Variants in LARGE1 observed in about 807,000 individuals in gnomAD.
LARGE1 encodes LARGE xylosyl- and glucuronyltransferase 1.
LARGE1 carries 43 observed loss-of-function variants against 87.6 expected under a neutral mutation model. The observed-to-expected ratio is 0.49, with a 90% CI of 0.38 to 0.63. The LOEUF (loss-of-function observed/expected upper bound fraction) is 0.63. LARGE1 is among the 30% of genes least tolerant of loss of function. The pLI is 0.00. For missense variants in LARGE1, 802 were observed against 1,000.2 expected (o/e 0.80, Z 2.67); for synonymous variants, 434 against 394.6 (o/e 1.10, Z -1.18).
chr22:33,194,535 T>C (rs1437695591), intron 11 of LARGE1, among the ~76,000 whole-genome samples: 1 of 152,206 alleles, frequency 6.6e-6, no homozygotes, highest in East Asian at 1.9e-4. Flanking sequence ...AATGTCTGGG[T>C]TATATGAAAT....
intron 6 of LARGE1, among the ~76,000 whole-genome samples, chr22:33,536,247 GA>G (rs1190853831): frequency 1.3e-5 from 2 of 152,184 alleles, no homozygotes; most frequent in Admixed American, 6.5e-5. Context: ...GAAAGGGCAT[GA>G]GCAGAAAAGT....
At chr22:33,580,972 C>T (rs996702539) in intron 5 of LARGE1, among the ~76,000 whole-genome samples, 1 of 152,130 alleles carries the variant, frequency 6.6e-6, no homozygotes, top group Non-Finnish European at 1.5e-5. Context: ...AGACGTCCAT[C>T]TTTCAAAAAT....
At chr22:33,319,211 G>A (rs1936475777) in intron 10 of LARGE1, among the ~76,000 whole-genome samples, 1 of 152,140 alleles carries the variant, frequency 6.6e-6, no homozygotes, top group Non-Finnish European at 1.5e-5. Context: ...TTAACAAAAA[G>A]CAGGGGAAGT....
chr22:33,317,034 G>A (rs1034543616), intron 10 of LARGE1, among the ~76,000 whole-genome samples: 1 of 151,926 alleles, frequency 6.6e-6, no homozygotes, highest in Non-Finnish European at 1.5e-5. Flanking sequence ...GCCAACGTGG[G>A]GAAACCCTGT....
intron 1 of LARGE1, among the ~76,000 whole-genome samples, chr22:33,765,973 G>T (rs2084889278): frequency 6.6e-6 from 1 of 152,066 alleles, no homozygotes; most frequent in Admixed American, 6.6e-5. Flanking sequence ...AACCCAGCAG[G>T]TAAAAAATAT....
intron 6 of LARGE1, among the ~76,000 whole-genome samples, chr22:33,512,573 C>T (rs1306888431): frequency 6.6e-6 from 1 of 152,164 alleles, no homozygotes; most frequent in East Asian, 1.9e-4. Context: ...GAGGCCGAGG[C>T]AGGAAGATCA....
Position 33,273,078 on chromosome 22 carries a change from G to A in LARGE1, c.*1349C>T, listed in dbSNP as rs1474735799. On this transcript the variant is annotated 3_prime_UTR_variant, in exon 15 of 15. Transcript: ENST00000397394. ...TTCCTGCAAGAGTGGGAGGGGAATGGGGAAGAAACAGTCTGTACTTTCATT... is the reference window on the plus strand; with the variant it reads ...TTCCTGCAAGAGTGGGAGGGGAATGAGGAAGAAACAGTCTGTACTTTCATT... 2 of 222,608 alleles carry A rather than the reference G, an allele frequency of 9.0e-6. No homozygotes were observed. The highest frequency in any genetic ancestry group is 1.7e-5 in the Non-Finnish European group (2 of 114,706). The allele number at this position is 222,608 out of a possible 1,614,324, so 13.8% of individuals were successfully genotyped here. A position where few individuals can be genotyped will look rare whatever the true frequency, so the allele number is the denominator to read the frequency against.
intron 11 of LARGE1, among the ~76,000 whole-genome samples, chr22:33,308,886 A>T (rs1935238670): frequency 6.6e-6 from 1 of 152,202 alleles, no homozygotes; most frequent in South Asian, 2.1e-4. Flanking sequence ...AAATGAGATG[A>T]TGATACAAAG....
intron 6 of LARGE1, among the ~76,000 whole-genome samples, chr22:33,510,809 A>G (rs2071021280): frequency 6.6e-6 from 1 of 151,602 alleles, no homozygotes; most frequent in African/African-American, 2.4e-5. Flanking sequence ...CTGGTCTTGA[A>G]CTCCTGAACT....
chr22:33,171,832 C>T (rs1050539138), intron 11 of LARGE1, among the ~76,000 whole-genome samples: 3 of 152,168 alleles, frequency 2.0e-5, no homozygotes, highest in Admixed American at 6.5e-5. Context: ...GGGTTGGAGT[C>T]CCCACACAGA....
chr22:33,188,509 TATC>T (rs1391529427), intron 11 of LARGE1, among the ~76,000 whole-genome samples: 15 of 152,158 alleles, frequency 9.9e-5, no homozygotes, highest in African/African-American at 3.4e-4. Context: ...GCATGACTCA[TATC>T]ATCCTCAAGC....
At chr22:33,425,694 ACT>A (rs1401777410) in intron 7 of LARGE1, among the ~76,000 whole-genome samples, 3 of 152,142 alleles carry the variant, frequency 2.0e-5, no homozygotes, top group Non-Finnish European at 4.4e-5. Flanking sequence ...ATCAAGTAAA[ACT>A]GGGAAATGCT....
intron 11 of LARGE1, among the ~76,000 whole-genome samples, chr22:33,241,684 A>G (rs1326848369): frequency 1.3e-5 from 2 of 151,898 alleles, no homozygotes; most frequent in Non-Finnish European, 2.9e-5. Flanking sequence ...ATATATTACA[A>G]TGAAATACTA....
intron 1 of LARGE1, among the ~76,000 whole-genome samples, chr22:33,894,396 C>A (rs1290199318): frequency 2.0e-5 from 3 of 152,092 alleles, no homozygotes; most frequent in Admixed American, 2.0e-4. Flanking sequence ...ACTGTGGACC[C>A]CTACTCTACT....
intron 6 of LARGE1, among the ~76,000 whole-genome samples, chr22:33,480,618 C>T (rs999857363): frequency 6.6e-6 from 1 of 151,996 alleles, no homozygotes; most frequent in African/African-American, 2.4e-5. Flanking sequence ...TTCATGTTTC[C>T]AATAACTTTG....
At chr22:33,720,577 C>CAATT (rs1256664720) in intron 2 of LARGE1, among the ~76,000 whole-genome samples, 4 of 152,214 alleles carry the variant, frequency 2.6e-5, no homozygotes, top group African/African-American at 9.7e-5. Flanking sequence ...AAAAGTACTA[C>CAATT]AATTACTTTT....
chr22:33,071,626 C>A, the LARGE1 span, among the ~76,000 whole-genome samples: 3 of 152,164 alleles, frequency 2.0e-5, no homozygotes, highest in South Asian at 6.2e-4. Context: ...CCTGTTCTCA[C>A]ACAGTTAACA....
intron 11 of LARGE1, among the ~76,000 whole-genome samples, chr22:33,226,778 G>A (rs1325109514): frequency 6.6e-6 from 1 of 151,370 alleles, no homozygotes. Context: ...AGCCCAGGCC[G>A]GATTGCAGTG....
chr22:33,204,759 CT>C (rs1280224262), intron 11 of LARGE1, among the ~76,000 whole-genome samples: 1 of 152,122 alleles, frequency 6.6e-6, no homozygotes, highest in Non-Finnish European at 1.5e-5. Flanking sequence ...CATTCCTCAA[CT>C]GTGTTCCCCT....
Sources: gnomAD v4.1 joint callset for allele counts (sites outside exome capture counted in the v4.1 genomes callset) on GRCh38, gnomAD v4.1.1 for gene constraint, MANE v1.5 for transcripts, NCBI Gene and HGNC (gene_info 2026-07-23, HGNC 2026-07-21) for gene names.